The following C1GALT1 variants were observed in gnomAD, a reference collection of about 807,000 sequenced individuals.
C1GALT1 encodes the protein glycoprotein-N-acetylgalactosamine 3-beta-galactosyltransferase 1.
C1GALT1 carries 11 observed loss-of-function variants against 31.0 expected under a neutral mutation model. The ratio of observed to expected loss-of-function variants is 0.36; its 90% CI spans 0.22 to 0.59. The LOEUF (loss-of-function observed/expected upper bound fraction) is 0.59. Ranked by LOEUF, C1GALT1 falls within the 20% of genes least tolerant of loss-of-function variation. C1GALT1 has a pLI of 0.79. For synonymous variants in C1GALT1, 175 were observed against 143.6 expected (o/e 1.22, Z -1.56); for missense variants, 424 against 425.2 (o/e 1.00, Z 0.03).
At chr7:7,229,293 G>C (rs868705053) in intron 1 of C1GALT1, among the ~76,000 whole-genome samples, 14 of 152,202 alleles carry the variant, frequency 9.2e-5, no homozygotes, top group African/African-American at 3.4e-4. Flanking sequence ...ACCAAGATCA[G>C]TGTGCTGTAA....
Position 7,234,527 on chromosome 7 carries a change from A to G in C1GALT1, c.208A>G (p.Ser70Gly), listed in dbSNP as rs1459980738. 5 of 1,608,332 alleles carry G rather than the reference A, an allele frequency of 3.1e-6. No individual in the cohort carries two copies. The highest frequency in any genetic ancestry group is 4.3e-6 in the Non-Finnish European group (5 of 1,174,784). Residue 70 changes from serine (S) to glycine (G), a missense_variant, in exon 2 of 4, where the codon AGC becomes GGC. Ser to Gly is a moderately conservative substitution (Grantham distance 56). Around this residue, in one of 3 missense-constraint regions of C1GALT1, gnomAD observed 189 missense variants for 158.2 expected, o/e 1.19. Coordinates refer to ENST00000436587, the MANE Select transcript of C1GALT1 (RefSeq NM_020156.5). ...EGQMNFNADS[S>G]QHKDENTDIA... ...ACAAATGAACTTCAATGCAGATTCT[A>G]GCCAACATAAAGGTATGGTTTACTT...
chr7:7,166,554 T>A (rs760091566), intron 2 of C1GALT1, among the ~76,000 whole-genome samples: 6 of 152,208 alleles, frequency 3.9e-5, no homozygotes, highest in Non-Finnish European at 7.3e-5. Context: ...ACATTCATTA[T>A]CTTGACTGCG....
In C1GALT1 at chr7:7,245,192, G is replaced by C. The variant is rs749486482; in HGVS notation, c.*1465G>C. The C allele has an allele frequency of 1.3e-5, 2 of 152,242 alleles. No individual in the cohort carries two copies. Among genetic ancestry groups the C allele is most frequent in the Non-Finnish European group, 2.9e-5 (2 of 68,048 alleles). The allele number at this position is 152,242 out of a possible 1,614,324, so 9.4% of individuals were successfully genotyped here. A position where few individuals can be genotyped will look rare whatever the true frequency, so the allele number is the denominator to read the frequency against. ...ATCATTATGCCAATTTTACATGGCA[G>C]TCATGCCACTGACTCTGCTATTTAG... On this transcript the variant is annotated 3_prime_UTR_variant, in exon 4 of 4. Coordinates refer to ENST00000436587, the MANE Select transcript of C1GALT1 (RefSeq NM_020156.5).
chr7:7,209,571 G>C (rs1051649086), intron 1 of C1GALT1: 1 of 152,222 alleles, frequency 6.6e-6, no homozygotes, highest in Non-Finnish European at 1.5e-5. Flanking sequence ...TTCCAGGTAT[G>C]TCTTACAGCC....
chr7:7,195,324 C>T (rs1781237235), intron 1 of C1GALT1, among the ~76,000 whole-genome samples: 1 of 152,132 alleles, frequency 6.6e-6, no homozygotes, highest in Admixed American at 6.5e-5. Flanking sequence ...GTGAACTTTG[C>T]GTTTAGCACC....
chr7:7,217,710 G>T (rs1200623188), intron 1 of C1GALT1, among the ~76,000 whole-genome samples: 2 of 152,120 alleles, frequency 1.3e-5, no homozygotes, highest in Non-Finnish European at 2.9e-5. Context: ...GTCTCACTCT[G>T]TTGCCCAGGC....
rs73335357 is a variant in C1GALT1 at position 7,194,376 on chromosome 7, A to G, written c.-18+11556A>G. ...TATGCCAATTTTGCTGAGTGTTTTA[A>G]TTATAAAGGGACACTGGATTTTGCC... On this transcript the variant is annotated intron_variant, in intron 1 of 3. Transcript: ENST00000436587. Among the ~76,000 whole-genome samples the G allele has an allele frequency of 5.9e-3, 902 of 152,164 alleles. 13 individuals carry two copies. The highest frequency in any genetic ancestry group is 0.021 in the African/African-American group (876 of 41,518).
intron 2 of C1GALT1, 30 bp downstream of exon 2, chr7:7,234,569 T>A (rs1783248969): frequency 6.6e-7 from 1 of 1,523,338 alleles, no homozygotes; most frequent in African/African-American, 1.4e-5. Context: ...GCAGTAAACA[T>A]AAGCAGTATT....
rs73045732 is a variant in C1GALT1 at position 7,205,539 on chromosome 7, G to A, written c.-18+22719G>A. 4.9e-3 allele frequency among the ~76,000 whole-genome samples: 739 copies of A among 152,086 alleles called. 2 individuals are homozygous for A. Among genetic ancestry groups the A allele is most frequent in the Non-Finnish European group, 8.2e-3 (555 of 67,976 alleles). On this transcript the variant is annotated intron_variant, in intron 1 of 3. Coordinates refer to ENST00000436587, the MANE Select transcript of C1GALT1 (RefSeq NM_020156.5). ...GAAGGATTGGTCTTGATGTCTTCTG[G>A]GTGGCAGAGGTAGAAGAAGATGCAC...
chr7:7,223,505 C>T (rs1465780157), intron 1 of C1GALT1, among the ~76,000 whole-genome samples: 6 of 152,128 alleles, frequency 3.9e-5, no homozygotes, highest in Non-Finnish European at 8.8e-5. Flanking sequence ...GATTGCATGT[C>T]TTTTGCCAAG....
intron 2 of C1GALT1, among the ~76,000 whole-genome samples, chr7:7,160,667 G>A (rs1780324532): frequency 6.6e-6 from 1 of 152,092 alleles, no homozygotes; most frequent in African/African-American, 2.4e-5. Flanking sequence ...TCCAAAGGAT[G>A]GACACATACA....
At chr7:7,234,588 A>C (rs1783249528) in intron 2 of C1GALT1, 49 bp downstream of exon 2, 1 of 1,386,366 alleles carries the variant, frequency 7.2e-7, no homozygotes, top group Admixed American at 1.8e-5. Flanking sequence ...TTTTAGTCTA[A>C]ATTTTGTCAT....
intron 1 of C1GALT1, among the ~76,000 whole-genome samples, chr7:7,227,062 A>G (rs1782797925): frequency 6.6e-6 from 1 of 152,112 alleles, no homozygotes; most frequent in Admixed American, 6.5e-5. Context: ...TTTTTTTGTA[A>G]ACTTTTCTTA....
chr7:7,196,814 G>A (rs1304549963), intron 1 of C1GALT1, among the ~76,000 whole-genome samples: 1 of 152,212 alleles, frequency 6.6e-6, no homozygotes, highest in Non-Finnish European at 1.5e-5. Flanking sequence ...CTGATGGCCA[G>A]TGATGATGAG....
At chr7:7,178,858 G>C (rs1780537109), upstream of C1GALT1, among the ~76,000 whole-genome samples, 2 of 152,284 alleles carry the variant, frequency 1.3e-5, no homozygotes, top group South Asian at 4.1e-4. Flanking sequence ...AAACTTAGTG[G>C]CTTAAAACAA....
chr7:7,190,206 C>T (rs113765384), intron 1 of C1GALT1, among the ~76,000 whole-genome samples: 5,025 of 152,130 alleles, frequency 0.033, 188 homozygotes, highest in African/African-American at 0.091. Context: ...AAAGTTTAAA[C>T]GCAACAATAT....
chr7:7,227,341 G>T (rs1782812429), intron 1 of C1GALT1, among the ~76,000 whole-genome samples: 1 of 152,182 alleles, frequency 6.6e-6, no homozygotes, highest in Non-Finnish European at 1.5e-5. Flanking sequence ...TTATGAGACA[G>T]ACCTCTGCCC....
intron 1 of C1GALT1, among the ~76,000 whole-genome samples, chr7:7,216,180 G>C (rs1782230891): frequency 1.3e-5 from 2 of 152,166 alleles, no homozygotes; most frequent in South Asian, 4.1e-4. Context: ...AGGGGTGCAA[G>C]CTGAAGATAA....
intron 2 of C1GALT1, among the ~76,000 whole-genome samples, chr7:7,172,323 T>G (rs955336880): frequency 6.6e-6 from 1 of 152,198 alleles, no homozygotes; most frequent in South Asian, 2.1e-4. Flanking sequence ...TTAATTTTAA[T>G]GAGGATTCCT....
Sources: allele counts gnomAD v4.1 joint callset (sites outside exome capture counted in the v4.1 genomes callset), GRCh38; gene constraint gnomAD v4.1.1; regional missense constraint gnomAD v4.1.1; transcripts MANE v1.5; gene names NCBI Gene and HGNC (gene_info 2026-07-23, HGNC 2026-07-21).